IPO7: variants seen among roughly 807,000 people sequenced by gnomAD.
IPO7 encodes the protein importin-7.
Under a neutral mutation model 136.4 loss-of-function variants are expected in IPO7, and 13 were observed. The ratio of observed to expected loss-of-function variants is 0.10; its 90% CI spans 0.06 to 0.15. The LOEUF is 0.15. Ranked by LOEUF, IPO7 falls within the 10% of genes least tolerant of loss-of-function variation. The pLI, the probability that IPO7 is intolerant of heterozygous loss-of-function variation, is 1.00. For synonymous variants in IPO7, 403 were observed against 404.4 expected (o/e 1.00, Z 0.04); for missense variants, 857 against 1,240.6 (o/e 0.69, Z 4.65).
intron 6 of IPO7, among the ~76,000 whole-genome samples, chr11:9,419,222 T>A (rs1427549682): frequency 6.6e-6 from 1 of 152,150 alleles, no homozygotes; most frequent in African/African-American, 2.4e-5. Flanking sequence ...TCACTTGCTC[T>A]GTATATTCAC....
At chr11:9,409,626 C>G (rs1442229473) in intron 3 of IPO7, among the ~76,000 whole-genome samples, 2 of 152,182 alleles carry the variant, frequency 1.3e-5, no homozygotes, top group Non-Finnish European at 2.9e-5. Flanking sequence ...GATCTTCCCG[C>G]CTGGGCCTCC....
chr11:9,385,859 T>A (rs566367749), intron 1 of IPO7, among the ~76,000 whole-genome samples: 1 of 152,356 alleles, frequency 6.6e-6, no homozygotes, highest in South Asian at 2.1e-4. Flanking sequence ...ATGATCAGTA[T>A]TTTAAATCCT....
At chr11:9,431,073 C>G (rs1049035920) in intron 16 of IPO7, 70 bp downstream of exon 16, 1 of 1,246,906 alleles carries the variant, frequency 8.0e-7, no homozygotes, top group Non-Finnish European at 1.2e-6. Flanking sequence ...TAATATCTCT[C>G]TGGCATCTCA....
rs1042581411 is a variant in IPO7, at chr11:9,446,932, A to G, written c.*1738A>G. ...GTGTGTGGGTGAAAACTGTTAATCA[A>G]GTGTTTCTACTCCCCCCCGAAAATC... On this transcript the variant is annotated 3_prime_UTR_variant, in exon 25 of 25. Transcript: ENST00000379719. The G allele has an allele frequency of 6.6e-6, 1 of 152,252 alleles. No individual in the cohort carries two copies. The highest frequency in any genetic ancestry group is 2.4e-5 in the African/African-American group (1 of 41,562). 9.4% of individuals were successfully genotyped at this position (152,252 alleles called of 1,614,324 possible).
chr11:9,408,069 G>C lies in IPO7; in HGVS notation c.167-417G>C, dbSNP rs376935195. 7.9e-5 allele frequency among the ~76,000 whole-genome samples: 12 copies of C among 152,204 alleles called. No individual in the cohort carries two copies. In the South Asian group the frequency reaches 1.7e-3, roughly 21 times the overall value. ...ATATGCTATTATTTTTCTGTGATAAGAACTGGTTTTTTTATTACCTTTGTG... is the reference window on the plus strand; with the variant it reads ...ATATGCTATTATTTTTCTGTGATAACAACTGGTTTTTTTATTACCTTTGTG... On this transcript the variant is annotated intron_variant, in intron 2 of 24. Transcript: ENST00000379719.
At chr11:9,390,310 A>G (rs1854611395) in intron 1 of IPO7, among the ~76,000 whole-genome samples, 1 of 150,474 alleles carries the variant, frequency 6.6e-6, no homozygotes, top group Non-Finnish European at 1.5e-5. Context: ...TTTTTTTTTA[A>G]CTCACACTAC....
intron 8 of IPO7, among the ~76,000 whole-genome samples, chr11:9,422,144 T>TGGCG (rs1855141931): frequency 6.6e-6 from 1 of 152,036 alleles, no homozygotes; most frequent in African/African-American, 2.4e-5. Flanking sequence ...CCAGGTGTGG[T>TGGCG]GGTGCATGTC....
At chr11:9,399,415 C>A (rs1854761891) in intron 1 of IPO7, among the ~76,000 whole-genome samples, 1 of 152,124 alleles carries the variant, frequency 6.6e-6, no homozygotes, top group Admixed American at 6.6e-5. Flanking sequence ...CCCGCCTCGG[C>A]CTCCCAAAGT....
At chr11:9,415,165 A>G (rs972597338) in intron 5 of IPO7, among the ~76,000 whole-genome samples, 1 of 151,588 alleles carries the variant, frequency 6.6e-6, no homozygotes, top group African/African-American at 2.4e-5. Flanking sequence ...TTAAAAATAC[A>G]AAAAAAATTA....
intron 4 of IPO7, among the ~76,000 whole-genome samples, chr11:9,410,647 T>G (rs928711072): frequency 7.2e-5 from 11 of 152,138 alleles, no homozygotes; most frequent in African/African-American, 2.7e-4. Flanking sequence ...GAAAAAAAGA[T>G]TTTAGGCCAA....
rs959359272 is a variant in IPO7, at chr11:9,439,442, T to C, written c.2696-1013T>C. 2.0e-5 allele frequency among the ~76,000 whole-genome samples: 3 copies of C among 151,538 alleles called. No homozygotes were observed. In the East Asian group the frequency reaches 5.9e-4, roughly 30 times the overall value. ...TGAAACCCCATTTCTTTAAAAAAAG[T>C]TGTGGGGATTACATGAGGGAATCCT... On this transcript the variant is annotated intron_variant, in intron 22 of 24. Transcript: ENST00000379719.
intron 2 of IPO7, among the ~76,000 whole-genome samples, chr11:9,405,006 C>G (rs1214011834): frequency 6.6e-6 from 1 of 152,006 alleles, no homozygotes; most frequent in Non-Finnish European, 1.5e-5. Context: ...TAAAATGTTG[C>G]CTAGTACAGT....
chr11:9,418,704 A>T (rs1375275879), intron 6 of IPO7, among the ~76,000 whole-genome samples: 1 of 152,174 alleles, frequency 6.6e-6, no homozygotes, highest in East Asian at 1.9e-4. Context: ...TTGTTGTACA[A>T]TTTATAATCC....
intron 9 of IPO7, among the ~76,000 whole-genome samples, 156 bp downstream of exon 9, chr11:9,423,296 G>A (rs1463749583): frequency 6.6e-6 from 1 of 152,190 alleles, no homozygotes; most frequent in Non-Finnish European, 1.5e-5. Context: ...AGATAAGACA[G>A]TGACATAAAG....
In IPO7 at chr11:9,409,939, C is replaced by T; in HGVS notation, c.332C>T (p.Thr111Ile). The T allele has an allele frequency of 6.4e-7, 1 of 1,562,658 alleles. No individual in the cohort carries two copies. Among genetic ancestry groups the T allele is most frequent in the Non-Finnish European group, 8.6e-7 (1 of 1,158,834 alleles). Residue 111 changes from threonine to isoleucine, a missense_variant, in exon 4 of 25, where the codon ACT becomes ATT. Transcript: ENST00000379719. ...TTTTTGGCTTCCAGGGTACAGCTTACTACATGCATTCATCACATCATCAAA... is the reference window on the plus strand; with the variant it reads ...TTTTTGGCTTCCAGGGTACAGCTTATTACATGCATTCATCACATCATCAAA... ...HSPELIRVQL[T>I]TCIHHIIKHD...
At position 9,414,363 on chromosome 11, in the gene IPO7, T is replaced by G. The variant is rs1417793471; in HGVS notation, c.588T>G (p.Ser196=). 6.2e-7 allele frequency: 1 copy of G among 1,612,188 alleles called. No individual in the cohort carries two copies. Among genetic ancestry groups the G allele is most frequent in the South Asian group, 1.1e-5 (1 of 90,896 alleles). Residue 196 remains serine (S), a synonymous_variant, in exon 5 of 25, where the codon TCT becomes TCG. Coordinates refer to ENST00000379719, the MANE Select transcript of IPO7 (RefSeq NM_006391.3). ...IQLLSDQSDQ[S]VLIQKQIFKI... ...TTCTTTCTGACCAGTCTGATCAGTC[T>G]GTCCTCATCCAGAAACAGATATTCA...
intron 22 of IPO7, among the ~76,000 whole-genome samples, chr11:9,438,660 C>T (rs958030856): frequency 6.6e-6 from 1 of 151,944 alleles, no homozygotes; most frequent in Non-Finnish European, 1.5e-5. Context: ...ATCACTAGCC[C>T]TTCTCCCAAA....
intron 24 of IPO7, among the ~76,000 whole-genome samples, chr11:9,444,538 T>G (rs531164756): frequency 6.6e-6 from 1 of 151,862 alleles, no homozygotes; most frequent in East Asian, 2.0e-4. Context: ...AATTTTTGTA[T>G]TTTTAGTAGA....
intron 14 of IPO7, 62 bp downstream of exon 14, chr11:9,429,258 TA>T: frequency 7.4e-7 from 1 of 1,356,018 alleles, no homozygotes; most frequent in Non-Finnish European, 1.0e-6. Context: ...GTCACACCTG[TA>T]ATCTTAGCAC....
Sources: gnomAD v4.1 joint callset for allele counts (sites outside exome capture counted in the v4.1 genomes callset) on GRCh38, gnomAD v4.1.1 for gene constraint, MANE v1.5 for transcripts, NCBI Gene and HGNC (gene_info 2026-07-23, HGNC 2026-07-21) for gene names.